Variants in FBN1 observed in about 807,000 individuals in gnomAD.
FBN1 encodes the protein fibrillin 1.
Under a neutral mutation model 365.1 loss-of-function variants are expected in FBN1, and 29 were observed. That is an observed-to-expected ratio of 0.08 (90% CI 0.06 to 0.11). The LOEUF (loss-of-function observed/expected upper bound fraction) is 0.11. Ranked by LOEUF, FBN1 falls within the 10% of genes least tolerant of loss-of-function variation. The pLI, the probability that FBN1 is intolerant of heterozygous loss-of-function variation, is 1.00. For missense variants in FBN1, 2,476 were observed against 3,703.2 expected (o/e 0.67, Z 8.60); for synonymous variants, 1,210 against 1,270.5 (o/e 0.95, Z 1.01).
chr15:48,540,117 G>T (rs1375152215), intron 6 of FBN1, among the ~76,000 whole-genome samples: 2 of 151,972 alleles, frequency 1.3e-5, no homozygotes, highest in Non-Finnish European at 2.9e-5. Context: ...TATTTTTTTG[G>T]CTCAATTCTC....
intron 2 of FBN1, among the ~76,000 whole-genome samples, chr15:48,627,152 G>A (rs1889900459): frequency 6.6e-6 from 1 of 152,102 alleles, no homozygotes; most frequent in Non-Finnish European, 1.5e-5. Context: ...TCTCTTTTTT[G>A]TATAAACTAA....
At chr15:48,514,603 G>T (rs1466717424) in intron 12 of FBN1, among the ~76,000 whole-genome samples, 1 of 152,070 alleles carries the variant, frequency 6.6e-6, no homozygotes, top group East Asian at 1.9e-4. Flanking sequence ...CCCTTCACCA[G>T]CTTAAATGCC....
intron 7 of FBN1, among the ~76,000 whole-genome samples, chr15:48,537,233 A>G (rs1207213619): frequency 1.3e-5 from 2 of 152,224 alleles, no homozygotes; most frequent in Non-Finnish European, 2.9e-5. Flanking sequence ...GAGGAACTCA[A>G]CAGTTTCAAA....
At chr15:48,491,311 C>G (rs564156147) in intron 24 of FBN1, among the ~76,000 whole-genome samples, 1 of 151,824 alleles carries the variant, frequency 6.6e-6, no homozygotes, top group South Asian at 2.1e-4. Context: ...CGTAAGTGAT[C>G]AAAATCCTTC....
rs1287457819 is a variant in FBN1 at position 48,534,188 on chromosome 15, C to T, written c.754G>A (p.Ala252Thr). 1.9e-6 allele frequency: 3 copies of T among 1,613,376 alleles called. No individual in the cohort carries two copies. The South Asian group carries it at 3.3e-5, about 18-fold the overall frequency. ...CCTCCCTGACAGAGCCCGGGGATGG[C>T]CTGGCATTCATCCACATCTGTCAGA... ...GACQDVDECQ[A>T]IPGLCQGGNC... The change falls in exon 8 of 66, where the codon GCC becomes ACC. Residue 252 changes from alanine to threonine, a missense_variant. Around this residue, in one of 5 missense-constraint regions of FBN1, gnomAD observed 421 missense variants for 520.1 expected, o/e 0.81. Transcript: ENST00000316623.
At chr15:48,478,816 T>A (rs1457712906) in intron 32 of FBN1, among the ~76,000 whole-genome samples, 1 of 152,180 alleles carries the variant, frequency 6.6e-6, no homozygotes, top group Non-Finnish European at 1.5e-5. Context: ...GTGGGTGGAT[T>A]CTGAACATTG....
chr15:48,454,657 G>T (rs545127684), intron 44 of FBN1, among the ~76,000 whole-genome samples: 7 of 152,224 alleles, frequency 4.6e-5, no homozygotes, highest in African/African-American at 1.4e-4. Context: ...CTTAGTACCA[G>T]TTCTGGGCTT....
chr15:48,537,473 G>T, intron 7 of FBN1, 138 bp downstream of exon 7: 1 of 1,004,970 alleles, frequency 1.0e-6, no homozygotes, highest in Non-Finnish European at 1.5e-6. Context: ...TAATGCCTTA[G>T]TTGGATATCA....
At position 48,547,986 on chromosome 15, in the gene FBN1, C is replaced by G. The variant is rs59523332; in HGVS notation, c.539-10178G>C. ...ACCGTGCAAAAGACAGGCATGGGAG[C>G]TGAGGGGGTGGGAGAGGCAGCAGCA... is the stretch of plus-strand genomic sequence containing the variant. On this transcript the variant is annotated intron_variant, in intron 6 of 65. Transcript: ENST00000316623. Among the ~76,000 whole-genome samples, 2,510 of 152,184 alleles carry G rather than the reference C, an allele frequency of 0.016. 204 individuals carry two copies. In the East Asian group the frequency reaches 0.24, roughly 14 times the overall value.
At chr15:48,462,742 G>A (rs1238345397) in intron 42 of FBN1, among the ~76,000 whole-genome samples, 1 of 152,092 alleles carries the variant, frequency 6.6e-6, no homozygotes, top group Non-Finnish European at 1.5e-5. Context: ...AAGGAATTAT[G>A]TTTCCCTTAC....
intron 24 of FBN1, 138 bp from the exon 25 acceptor site, chr15:48,490,216 CA>C: frequency 5.0e-5 from 39 of 779,550 alleles, no homozygotes; most frequent in Non-Finnish European, 6.6e-5. Context: ...TTTTATTCCT[CA>C]AAAAAAACCC....
chr15:48,468,999 C>T (rs4775764), intron 36 of FBN1, among the ~76,000 whole-genome samples: 33,040 of 145,204 alleles, frequency 0.23, 4,286 homozygotes, highest in East Asian at 0.37. Flanking sequence ...ACCTGGGAGG[C>T]GGAGCTTGCA....
chr15:48,610,876 G>A (rs763575319), intron 3 of FBN1, 50 bp from the exon 4 acceptor site: 1 of 1,482,104 alleles, frequency 6.7e-7, no homozygotes, highest in Admixed American at 1.7e-5. Flanking sequence ...AACACGATTT[G>A]TTATAGGGGA....
At chr15:48,620,259 T>G (rs1286722888) in intron 2 of FBN1, among the ~76,000 whole-genome samples, 1 of 152,210 alleles carries the variant, frequency 6.6e-6, no homozygotes, top group Non-Finnish European at 1.5e-5. Flanking sequence ...GATGACGATG[T>G]ATGTAATGTT....
At chr15:48,534,612 C>T (rs2043999706) in intron 7 of FBN1, among the ~76,000 whole-genome samples, 1 of 152,152 alleles carries the variant, frequency 6.6e-6, no homozygotes, top group South Asian at 2.1e-4. Context: ...AATCAAAATG[C>T]AATACATTTC....
chr15:48,507,676 C>T (rs2043722265), intron 15 of FBN1, among the ~76,000 whole-genome samples: 1 of 152,156 alleles, frequency 6.6e-6, no homozygotes, highest in African/African-American at 2.4e-5. Context: ...AGAAGAGGCA[C>T]CATAGGACTT....
rs1176959552 is a variant in FBN1 at position 48,463,864 on chromosome 15, C to T, written c.5065+35G>A. On this transcript the variant is annotated intron_variant, in intron 41 of 65. Transcript: ENST00000316623. ...CTCTCTTCCTCTTTGTAGATGAGAACCAAACATGCATTACTGAGAAAAGCT... is the reference window on the plus strand; with the variant it reads ...CTCTCTTCCTCTTTGTAGATGAGAATCAAACATGCATTACTGAGAAAAGCT... 1.9e-6 allele frequency: 3 copies of T among 1,582,552 alleles called. No individual in the cohort carries two copies. In the African/African-American group the frequency reaches 4.1e-5, roughly 21 times the overall value.
intron 6 of FBN1, among the ~76,000 whole-genome samples, chr15:48,559,826 G>A (rs2044210322): frequency 6.6e-6 from 1 of 152,176 alleles, no homozygotes; most frequent in Non-Finnish European, 1.5e-5. Flanking sequence ...TGAAGTGAAA[G>A]ACGAAGTATT....
intron 8 of FBN1, chr15:48,529,729 CAA>C (rs34202849): frequency 0.11 from 17,445 of 152,370 alleles, 1,159 homozygotes; most frequent in Non-Finnish European, 0.14. Flanking sequence ...TTTGATTGTA[CAA>C]ACTCAACCCA....
Sources: gnomAD v4.1 joint callset for allele counts (sites outside exome capture counted in the v4.1 genomes callset) on GRCh38, gnomAD v4.1.1 for gene constraint, gnomAD v4.1.1 regional missense constraint, MANE v1.5 for transcripts, NCBI Gene and HGNC (gene_info 2026-07-23, HGNC 2026-07-21) for gene names.